Variants in ARMC2 observed in about 807,000 individuals in gnomAD.
ARMC2 encodes the protein armadillo repeat-containing protein 2.
ARMC2 carries 67 observed loss-of-function variants against 90.3 expected under a neutral mutation model. The observed-to-expected ratio is 0.74, with a 90% CI of 0.61 to 0.91. ARMC2 has a LOEUF of 0.91. Among genes scored for constraint, ARMC2 ranks in the 40% least tolerant of loss-of-function variants. The pLI is 0.00. For missense variants in ARMC2, 920 were observed against 1,030.9 expected (o/e 0.89, Z 1.47); for synonymous variants, 393 against 393.0 (o/e 1.00, Z 0.00).
At chr6:108,878,079 G>C (rs941509993) in intron 5 of ARMC2, among the ~76,000 whole-genome samples, 5 of 151,868 alleles carry the variant, frequency 3.3e-5, no homozygotes, top group African/African-American at 1.2e-4. Context: ...TTGGAGTGGT[G>C]CCAAAAAAAA....
intron 7 of ARMC2, among the ~76,000 whole-genome samples, chr6:108,900,343 G>T (rs554862121): frequency 1.7e-4 from 26 of 152,308 alleles, no homozygotes; most frequent in Non-Finnish European, 2.5e-4. Context: ...GCCCACCATC[G>T]ATGGGTCCCT....
intron 8 of ARMC2, among the ~76,000 whole-genome samples, chr6:108,908,269 T>C (rs1021289938): frequency 6.6e-6 from 1 of 152,198 alleles, no homozygotes; most frequent in Non-Finnish European, 1.5e-5. Flanking sequence ...AGAATAACTT[T>C]TGTAAGTGGC....
At chr6:108,862,368 C>A (rs375843486) in intron 3 of ARMC2, among the ~76,000 whole-genome samples, 2,416 of 107,214 alleles carry the variant, frequency 0.023, 42 homozygotes, top group African/African-American at 0.039. Context: ...ACAAAAAAAA[C>A]AAACAAAACC....
At chr6:109,023,339 A>G in the ARMC2 span, among the ~76,000 whole-genome samples, 1 of 152,198 alleles carries the variant, frequency 6.6e-6, no homozygotes, top group African/African-American at 2.4e-5. Context: ...CTCAAATTTC[A>G]TCTTCTGAAC....
At chr6:108,977,365 A>G (rs1181368035), downstream of ARMC2, among the ~76,000 whole-genome samples, 1 of 152,158 alleles carries the variant, frequency 6.6e-6, no homozygotes, top group African/African-American at 2.4e-5. Context: ...ATCATGGTGG[A>G]TAAGCTTTTT....
the ARMC2 span, among the ~76,000 whole-genome samples, chr6:109,007,836 AC>A: frequency 6.7e-6 from 1 of 149,870 alleles, no homozygotes; most frequent in South Asian, 2.1e-4. Context: ...TAGAAAAAAA[AC>A]TTACTGACTT....
intron 4 of ARMC2, among the ~76,000 whole-genome samples, chr6:108,870,967 CTG>C (rs761902887): frequency 1.4e-3 from 219 of 152,254 alleles, no homozygotes; most frequent in Non-Finnish European, 2.5e-3. Context: ...TCGAGAGTGA[CTG>C]TGGTGGGGTA....
the ARMC2 span, among the ~76,000 whole-genome samples, chr6:109,046,512 G>A: frequency 6.8e-6 from 1 of 147,478 alleles, no homozygotes; most frequent in Non-Finnish European, 1.5e-5. Flanking sequence ...CACCCCGTCT[G>A]GGAAGTGAGG....
rs1776909920 is a variant in ARMC2, at chr6:108,876,170, C to T, written c.491C>T (p.Thr164Ile). The T allele has an allele frequency of 1.2e-6, 2 of 1,609,414 alleles. No individual in the cohort carries two copies. Among genetic ancestry groups the T allele is most frequent in the Non-Finnish European group, 1.7e-6 (2 of 1,178,640 alleles). The change falls in exon 5 of 18, where the codon ACA becomes ATA. Residue 164 changes from threonine to isoleucine, a missense_variant. Coordinates refer to ENST00000392644, the MANE Select transcript of ARMC2 (RefSeq NM_032131.6). ...DSKKTVESKE[T>I]VMMGDSMVKI... ...AAGAAGACAGTGGAATCCAAAGAAA[C>T]AGTTATGATGGGGGACTCTATGGTG...
the ARMC2 span, among the ~76,000 whole-genome samples, chr6:109,044,792 G>A: frequency 6.6e-6 from 1 of 152,150 alleles, no homozygotes. Context: ...GGGAGGTCGA[G>A]GAGGGCAGAT....
rs748800042 is a variant in ARMC2 at position 108,876,357 on chromosome 6, A to G, written c.671+7A>G. The G allele has an allele frequency of 1.2e-6, 2 of 1,604,222 alleles. No individual in the cohort carries two copies. Among genetic ancestry groups the G allele is most frequent in the Admixed American group, 1.7e-5 (1 of 58,732 alleles). On this transcript the variant is annotated splice_region_variant and intron_variant, in intron 5 of 17. Transcript: ENST00000392644. ...CTCATCTCAAGAATGGAGGGTCAGT[A>G]TTCTTTTTATTTAATTTTCTGGTCA...
At chr6:108,922,682 A>T (rs1203756088) in intron 10 of ARMC2, among the ~76,000 whole-genome samples, 1 of 152,134 alleles carries the variant, frequency 6.6e-6, no homozygotes, top group Non-Finnish European at 1.5e-5. Flanking sequence ...CACAATGAAA[A>T]CTTTGAGGCT....
At chr6:108,894,639 G>A in intron 6 of ARMC2, 96 bp downstream of exon 6, 1 of 1,075,454 alleles carries the variant, frequency 9.3e-7, no homozygotes, top group Admixed American at 2.8e-5. Flanking sequence ...GAAACTTAAG[G>A]AAGTTTGTCC....
intron 13 of ARMC2, among the ~76,000 whole-genome samples, chr6:108,955,074 C>T (rs987526780): frequency 2.6e-5 from 4 of 152,156 alleles, no homozygotes; most frequent in African/African-American, 9.7e-5. Context: ...GATGAGGGCC[C>T]CACCCTTCTG....
chr6:109,013,097 AGGG>A, the ARMC2 span, among the ~76,000 whole-genome samples: 1 of 151,430 alleles, frequency 6.6e-6, no homozygotes. Context: ...GCCTGGCAAC[AGGG>A]AAAAAAAAAA....
At chr6:109,039,169 AAAG>A in the ARMC2 span, among the ~76,000 whole-genome samples, 58 of 134,288 alleles carry the variant, frequency 4.3e-4, no homozygotes, top group South Asian at 3.2e-3. Context: ...GGAGGAGAAG[AAAG>A]AAGAAGAAGA....
chr6:108,960,805 G>A (rs1466971749), intron 13 of ARMC2, among the ~76,000 whole-genome samples: 3 of 152,180 alleles, frequency 2.0e-5, no homozygotes, highest in Admixed American at 1.3e-4. Context: ...AGCAGTGCAC[G>A]GGTTCTCAGG....
At chr6:108,877,941 G>T (rs1356964670) in intron 5 of ARMC2, among the ~76,000 whole-genome samples, 2 of 152,158 alleles carry the variant, frequency 1.3e-5, no homozygotes, top group Non-Finnish European at 2.9e-5. Flanking sequence ...GTTTTGTTAG[G>T]ACGGCTTTTG....
intron 3 of ARMC2, among the ~76,000 whole-genome samples, chr6:108,859,490 G>A (rs751353448): frequency 6.6e-6 from 1 of 152,092 alleles, no homozygotes; most frequent in African/African-American, 2.4e-5. Context: ...CTGGAAGTTT[G>A]TAGGATGTTT....
Sources: allele counts gnomAD v4.1 joint callset (sites outside exome capture counted in the v4.1 genomes callset), GRCh38; gene constraint gnomAD v4.1.1; transcripts MANE v1.5; gene names NCBI Gene and HGNC (gene_info 2026-07-23, HGNC 2026-07-21).